ALG13: variants seen among roughly 807,000 people sequenced by gnomAD.
ALG13 encodes the protein UDP-N-acetylglucosamine transferase subunit ALG13.
Under a neutral mutation model 87.8 loss-of-function variants are expected in ALG13, and 11 were observed. The observed-to-expected ratio is 0.13, with a 90% CI of 0.08 to 0.21. The LOEUF (loss-of-function observed/expected upper bound fraction) is 0.21. Ranked by LOEUF, ALG13 falls within the 10% of genes least tolerant of loss-of-function variation. The pLI, the probability that ALG13 is intolerant of heterozygous loss-of-function variation, is 1.00. For synonymous variants in ALG13, 320 were observed against 306.3 expected (o/e 1.04, Z -0.47); for missense variants, 756 against 866.1 (o/e 0.87, Z 1.60).
chrX:111,711,577 G>T, intron 5 of ALG13, 98 bp from the exon 6 acceptor site: 1 of 768,969 alleles, frequency 1.3e-6, no homozygotes, highest in East Asian at 3.4e-5. Context: ...CATAATTGTT[G>T]AGCTGAGCAA....
intron 25 of ALG13, among the ~76,000 whole-genome samples, chrX:111,753,671 T>C (rs1044438012): frequency 1.8e-5 from 2 of 111,894 alleles, no homozygotes; most frequent in African/African-American, 6.5e-5. Context: ...CTAGAAAATC[T>C]AGAAGAAATG....
chrX:111,736,670 A>G lies in ALG13; in HGVS notation c.2530-44A>G, dbSNP rs1009337992. 5 of 1,172,828 alleles carry G rather than the reference A, an allele frequency of 4.3e-6. No individual in the cohort carries two copies. In the African/African-American group the frequency reaches 7.1e-5, roughly 17 times the overall value. On this transcript the variant is annotated intron_variant, in intron 22 of 26. Transcript: ENST00000394780. ...TTAGGATCAGATAATCTACTGTTTG[A>G]AAAACCAAACTTAAGAGTTTTGAAC...
Position 111,681,198 on chromosome X carries a change from A to G in ALG13, c.-21A>G. The stretch of plus-strand genomic sequence containing the variant: ...TGCGTCATATCCGGCCCTTGCGATC[A>G]GGGCTTGAGGAACCCGCGCCATGAA... On this transcript the variant is annotated 5_prime_UTR_variant, in exon 1 of 27. Transcript: ENST00000394780. 8.3e-7 allele frequency: 1 copy of G among 1,207,852 alleles called. No individual in the cohort carries two copies. Among genetic ancestry groups the G allele is most frequent in the Non-Finnish European group, 1.1e-6 (1 of 891,878 alleles).
At chrX:111,695,433 T>G (rs59107836) in intron 3 of ALG13, among the ~76,000 whole-genome samples, 26,535 of 107,878 alleles carry the variant, frequency 0.25, 8,074 homozygotes, top group African/African-American at 0.85. Context: ...TGAGGCAGGA[T>G]AATTGCTTGA....
chrX:111,757,637 A>T lies in ALG13; in HGVS notation c.3023A>T (p.Gln1008Leu), dbSNP rs1347416630. The change falls in exon 26 of 27, where the codon CAG (glutamine) becomes CTG (leucine). Residue 1008 changes from glutamine to leucine, a missense_variant. Physicochemically the swap from Gln to Leu is moderately radical, Grantham distance 113. Around this residue, in one of 9 missense-constraint regions of ALG13, gnomAD observed 110 missense variants for 104.9 expected, o/e 1.05. Transcript: ENST00000394780. Reference sequence around the variant, plus strand: ...TCCATGGTCTATGTGCCACAGATGCAGCAGCAGCTTCATGTAGAGAATTAT... The same window carrying T: ...TCCATGGTCTATGTGCCACAGATGCTGCAGCAGCTTCATGTAGAGAATTAT... Reference protein sequence around the residue: ...WHSMVYVPQMQQQLHVENYPV... With the variant: ...WHSMVYVPQMLQQLHVENYPV... 2 of 1,206,486 alleles carry T rather than the reference A, an allele frequency of 1.7e-6. No homozygotes were observed. Among genetic ancestry groups the T allele is most frequent in the African/African-American group, 3.5e-5 (2 of 56,743 alleles).
chrX:111,740,746 C>T (rs1219580430), intron 23 of ALG13, among the ~76,000 whole-genome samples: 1 of 111,426 alleles, frequency 9.0e-6, no homozygotes, highest in Non-Finnish European at 1.9e-5. Flanking sequence ...AAGATCATTG[C>T]AATAGATTGG....
At chrX:111,708,822 CTT>C (rs1939227184) in intron 4 of ALG13, 141 bp from the exon 5 acceptor site, 3 of 396,089 alleles carry the variant, frequency 7.6e-6, no homozygotes, top group South Asian at 4.3e-5. Context: ...ATTAAAAAAA[CTT>C]TTAGTAAGAT....
chrX:111,752,861 G>T (rs1258313519), intron 25 of ALG13, 31 bp downstream of exon 25: 10 of 1,129,274 alleles, frequency 8.9e-6, no homozygotes, highest in Non-Finnish European at 1.1e-5. Context: ...TCTTTGATAA[G>T]CCCTATTTTC....
intron 21 of ALG13, chrX:111,734,246 A>AT (rs969664611): frequency 6.2e-5 from 7 of 112,627 alleles, no homozygotes; most frequent in African/African-American, 2.3e-4. Flanking sequence ...CTTCTAAGAA[A>AT]TCATGAACAT....
chrX:111,746,126 C>G (rs1261538463), intron 24 of ALG13, among the ~76,000 whole-genome samples: 1 of 111,418 alleles, frequency 9.0e-6, no homozygotes, highest in Non-Finnish European at 1.9e-5. Flanking sequence ...TGTACACTTC[C>G]CCATAAAAAC....
rs889102644 is a variant in ALG13 at position 111,756,446 on chromosome X, CAT to C, written c.2974-1141_2974-1140del. Among the ~76,000 whole-genome samples the C allele has an allele frequency of 6.3e-5, 7 of 111,774 alleles. No homozygotes were observed. The South Asian group carries it at 1.5e-3, about 24-fold the overall frequency. On this transcript the variant is annotated intron_variant, in intron 25 of 26. Coordinates refer to ENST00000394780, the MANE Select transcript of ALG13 (RefSeq NM_001099922.3). The stretch of plus-strand genomic sequence containing the variant: ...AAAATAGCTGCATTTTTAAAGCACT[CAT>C]GTGTTCATAGATGCTTGCTCAACAC...
At chrX:111,723,979 G>A (rs2148180243) in intron 14 of ALG13, 81 bp downstream of exon 14, 2 of 619,128 alleles carry the variant, frequency 3.2e-6, no homozygotes, top group East Asian at 7.4e-5. Flanking sequence ...AGAATTACCA[G>A]GATGCTAGTA....
intron 3 of ALG13, chrX:111,685,418 T>C (rs1285929913): frequency 2.5e-5 from 4 of 159,806 alleles, no homozygotes; most frequent in Non-Finnish European, 4.7e-5. Context: ...GAGTTCATTA[T>C]TTAGATTTTC....
intron 3 of ALG13, among the ~76,000 whole-genome samples, chrX:111,703,839 T>C (rs1285128164): frequency 8.9e-6 from 1 of 112,300 alleles, no homozygotes; most frequent in East Asian, 2.8e-4. Flanking sequence ...AACATTCACA[T>C]AGAGGTTTTG....
At position 111,725,199 on chromosome X, in the gene ALG13, T is replaced by C. The variant is rs774361407; in HGVS notation, c.1729+138T>C. 5.3e-5 allele frequency: 39 copies of C among 734,896 alleles called. No individual in the cohort carries two copies. In the East Asian group the frequency reaches 1.3e-3, roughly 25 times the overall value. 60.6% of individuals were successfully genotyped at this position (734,896 alleles called of 1,213,427 possible). The stretch of plus-strand genomic sequence containing the variant: ...TTCTCAACTTTAGCATTACTGATAA[T>C]GGAATGGATACTACTTCACTGTCGG... On this transcript the variant is annotated intron_variant, in intron 15 of 26. Transcript: ENST00000394780.
chrX:111,715,805 GAAAT>G (rs1236467629), intron 8 of ALG13, among the ~76,000 whole-genome samples: 2 of 112,329 alleles, frequency 1.8e-5, no homozygotes, highest in Non-Finnish European at 3.8e-5. Flanking sequence ...AACTTTCATA[GAAAT>G]AAATGTCTAA....
chrX:111,733,280 C>T (rs796568512), intron 21 of ALG13, among the ~76,000 whole-genome samples: 2 of 110,889 alleles, frequency 1.8e-5, no homozygotes, highest in South Asian at 7.8e-4. Context: ...TCTTTTATCC[C>T]TCACCCCCTT....
chrX:111,750,555 G>A (rs1466920323), intron 24 of ALG13, among the ~76,000 whole-genome samples: 1 of 110,719 alleles, frequency 9.0e-6, no homozygotes, highest in Non-Finnish European at 1.9e-5. Context: ...AAATCTATTG[G>A]CACCATTTTT....
intron 3 of ALG13, among the ~76,000 whole-genome samples, chrX:111,690,646 G>T (rs773993618): frequency 5.0e-4 from 55 of 109,472 alleles, no homozygotes; most frequent in Admixed American, 2.3e-3. Context: ...TAGGGACGGG[G>T]TTTCACCGTG....
Sources: allele counts gnomAD v4.1 joint callset (sites outside exome capture counted in the v4.1 genomes callset), GRCh38; gene constraint gnomAD v4.1.1; regional missense constraint gnomAD v4.1.1; transcripts MANE v1.5; gene names NCBI Gene and HGNC (gene_info 2026-07-23, HGNC 2026-07-21).